SPAST: variants seen among roughly 807,000 people sequenced by gnomAD.
SPAST encodes spastin.
Under a neutral mutation model 76.6 loss-of-function variants are expected in SPAST, and 30 were observed. The observed-to-expected ratio is 0.39, with a 90% confidence interval of 0.29 to 0.53. The LOEUF (loss-of-function observed/expected upper bound fraction) is 0.53. Ranked by LOEUF, SPAST falls within the 20% of genes least tolerant of loss-of-function variation. The probability of loss-of-function intolerance (pLI) is 0.68; values close to 1 mark genes in which losing one functional copy is unlikely to be tolerated. For synonymous variants in SPAST, 305 were observed against 281.0 expected (o/e 1.09, Z -0.86); for missense variants, 717 against 770.5 (o/e 0.93, Z 0.82).
chr2:32,096,811 G>T (rs1573084711), intron 3 of SPAST, among the ~76,000 whole-genome samples: 1 of 151,414 alleles, frequency 6.6e-6, no homozygotes, highest in African/African-American at 2.4e-5. Flanking sequence ...GAGACAAAGG[G>T]TTTCTGTCTC....
At chr2:32,077,072 C>T (rs918998678) in intron 1 of SPAST, among the ~76,000 whole-genome samples, 1 of 152,082 alleles carries the variant, frequency 6.6e-6, no homozygotes, top group Non-Finnish European at 1.5e-5. Flanking sequence ...GATGGGGTTT[C>T]ACCATCTTGG....
chr2:32,093,924 A>C (rs571316069), intron 3 of SPAST, among the ~76,000 whole-genome samples: 1 of 152,288 alleles, frequency 6.6e-6, no homozygotes, highest in East Asian at 1.9e-4. Context: ...AAGGTTCACT[A>C]TCACTAAACC....
chr2:32,115,732 C>A lies in SPAST; in HGVS notation c.901C>A (p.Pro301Thr), dbSNP rs1678803514. Reference sequence around the variant, plus strand: ...TCCGAAAACAAATAGGACAAATAAACCTTCTACCCCTACAACTGCTACTCG... The same window carrying A: ...TCCGAAAACAAATAGGACAAATAAAACTTCTACCCCTACAACTGCTACTCG... ...GTPKTNRTNK[P>T]STPTTATRKK... Residue 301 changes from proline to threonine, a missense_variant, in exon 6 of 17, where the codon CCT becomes ACT. By Grantham distance (38) the Pro-to-Thr change is conservative. Transcript: ENST00000315285. 1.9e-6 allele frequency: 3 copies of A among 1,610,880 alleles called. No individual in the cohort carries two copies. The highest frequency in any genetic ancestry group is 4.5e-5 in the East Asian group (2 of 44,688).
At chr2:32,150,239 A>ATTGTTTTTT (rs1680034391) in intron 16 of SPAST, among the ~76,000 whole-genome samples, 1 of 66,568 alleles carries the variant, frequency 1.5e-5, no homozygotes, top group Non-Finnish European at 2.7e-5. Flanking sequence ...CGCCCAGCTA[A>ATTGTTTTTT]TTTTTTTTTT....
chr2:32,086,902 G>T (rs1193423400), intron 1 of SPAST, among the ~76,000 whole-genome samples: 1 of 152,156 alleles, frequency 6.6e-6, no homozygotes, highest in Non-Finnish European at 1.5e-5. Flanking sequence ...CATACTTTTT[G>T]ATTATGCTGA....
At position 32,115,767 on chromosome 2, in the gene SPAST, A is replaced by G. The variant is rs1465167029; in HGVS notation, c.936A>G (p.Lys312=). Residue 312 remains lysine, a synonymous_variant, in exon 6 of 17, where the codon AAA becomes AAG. Transcript: ENST00000315285. The part of the protein sequence containing the change: ...STPTTATRKK[K]DLKNFRNVDS... The stretch of plus-strand genomic sequence containing the variant: ...CTACAACTGCTACTCGTAAGAAAAA[A>G]GACTTGAAGAATTTTAGGAATGTGG... 2 of 1,611,526 alleles carry G rather than the reference A, an allele frequency of 1.2e-6. No individual in the cohort carries two copies. The highest frequency in any genetic ancestry group is 3.3e-5 in the Admixed American group (2 of 60,006).
intron 4 of SPAST, among the ~76,000 whole-genome samples, chr2:32,102,404 A>T (rs1678159498): frequency 1.3e-5 from 2 of 152,214 alleles, no homozygotes; most frequent in South Asian, 4.1e-4. Flanking sequence ...ATATACAATC[A>T]TGTCATCTCC....
At chr2:32,099,819 A>G (rs984432299) in intron 4 of SPAST, among the ~76,000 whole-genome samples, 1 of 152,082 alleles carries the variant, frequency 6.6e-6, no homozygotes, top group African/African-American at 2.4e-5. Context: ...AGCCTCTAGT[A>G]TCCTCTGTTC....
intron 1 of SPAST, chr2:32,077,969 T>G (rs1315379344): frequency 8.0e-6 from 1 of 124,816 alleles, no homozygotes; most frequent in Non-Finnish European, 1.7e-5. Flanking sequence ...TTTCTGTTTT[T>G]TTTTTTTGTT....
Position 32,147,258 on chromosome 2 carries a change from G to T in SPAST, c.1728G>T (p.Glu576Asp), listed in dbSNP as rs1060502225. 1 of 1,594,208 alleles carries T rather than the reference G, an allele frequency of 6.3e-7. No individual in the cohort carries two copies. The highest frequency in any genetic ancestry group is 1.1e-5 in the South Asian group (1 of 90,626). ...PEQVKNMSAS[E>D]MRNIRLSDFT... ...AGGTGAAGAATATGTCTGCCAGTGA[G>T]GTATAGTATTTTACAATGATATTTT... Residue 576 changes from glutamate to aspartate, a missense_variant and splice_region_variant, in exon 16 of 17, where the codon GAG (glutamate) becomes GAT (aspartate). This residue lies in a region of SPAST where 96 missense variants were observed against 127.6 expected (regional missense o/e 0.75). Coordinates refer to ENST00000315285, the MANE Select transcript of SPAST (RefSeq NM_014946.4).
Position 32,114,985 on chromosome 2 carries a change from G to A in SPAST, c.870+160G>A, listed in dbSNP as rs890341586. Among the ~76,000 whole-genome samples, 7 of 82,758 alleles carry A rather than the reference G, an allele frequency of 8.5e-5. No homozygotes were observed. The East Asian group carries it at 2.5e-3, about 30-fold the overall frequency. 54.3% of individuals were successfully genotyped at this position (82,758 alleles called of 152,430 possible). On this transcript the variant is annotated intron_variant, in intron 5 of 16. Coordinates refer to ENST00000315285, the MANE Select transcript of SPAST (RefSeq NM_014946.4). ...TTTTTTTTTTTTTTTTGAGACTCTT[G>A]TTTTCCAGGCTGGAGTGCAATGGCG...
chr2:32,069,932 A>G (rs185430515), intron 1 of SPAST, among the ~76,000 whole-genome samples: 29 of 152,144 alleles, frequency 1.9e-4, no homozygotes, highest in African/African-American at 6.0e-4. Flanking sequence ...AGTAGTGTTA[A>G]TTGAAATATT....
Position 32,100,131 on chromosome 2 carries a change from G to A in SPAST, c.682+1240G>A, listed in dbSNP as rs116782432. 6.5e-3 allele frequency among the ~76,000 whole-genome samples: 990 copies of A among 152,178 alleles called. 14 individuals are homozygous for A. Among genetic ancestry groups the A allele is most frequent in the African/African-American group, 0.023 (954 of 41,528 alleles). ...GTACTAGTTTAGATTCCCAAAAGTA[G>A]CGTATAAGAGTTCACTTTCTACACA... On this transcript the variant is annotated intron_variant, in intron 4 of 16. Transcript: ENST00000315285.
At chr2:32,084,753 G>C (rs1436164583) in intron 1 of SPAST, among the ~76,000 whole-genome samples, 7 of 151,578 alleles carry the variant, frequency 4.6e-5, no homozygotes, top group Non-Finnish European at 1.0e-4. Flanking sequence ...CAGGTGTGGT[G>C]GTGCACACCT....
In SPAST at chr2:32,157,102, C is replaced by T. The variant is rs369571046; in HGVS notation, c.*2606C>T. On this transcript the variant is annotated 3_prime_UTR_variant, in exon 17 of 17. Coordinates refer to ENST00000315285, the MANE Select transcript of SPAST (RefSeq NM_014946.4). ...GACTTAGATTGTGACCTTTTAGATT[C>T]GGTGTTGAGCTCTGTGTTGTATTAC... The T allele has an allele frequency of 2.0e-5, 3 of 152,564 alleles. No individual in the cohort carries two copies. Among genetic ancestry groups the T allele is most frequent in the South Asian group, 2.1e-4 (1 of 4,830 alleles). 9.5% of individuals were successfully genotyped at this position (152,564 alleles called of 1,614,324 possible). A position where few individuals can be genotyped will look rare whatever the true frequency, so the allele number is the denominator to read the frequency against.
rs1041662261 is a variant in SPAST at position 32,063,944 on chromosome 2, C to G, written c.113C>G (p.Pro38Arg). 5.6e-6 allele frequency: 9 copies of G among 1,608,560 alleles called. No individual in the cohort carries two copies. Among genetic ancestry groups the G allele is most frequent in the South Asian group, 2.2e-5 (2 of 90,416 alleles). The change falls in exon 1 of 17, where the codon CCG becomes CGG. Residue 38 changes from proline to arginine, a missense_variant. Around this residue, in one of 3 missense-constraint regions of SPAST, gnomAD observed 543 missense variants for 445.2 expected, o/e 1.22. Coordinates refer to ENST00000315285, the MANE Select transcript of SPAST (RefSeq NM_014946.4). ...CLAPAPPAAG[P>R]APPPESPHKR... The stretch of plus-strand genomic sequence containing the variant: ...GCCCCCGCCCCTCCCGCCGCCGGGC[C>G]GGCCCCTCCGCCCGAGTCGCCGCAT...
chr2:32,097,300 C>T (rs138226422), intron 3 of SPAST, among the ~76,000 whole-genome samples: 2 of 152,126 alleles, frequency 1.3e-5, no homozygotes, highest in African/African-American at 4.8e-5. Flanking sequence ...TGAAATACTC[C>T]CTTTTAATTG....
At chr2:32,078,067 T>A (rs980029023) in intron 1 of SPAST, 1 of 151,900 alleles carries the variant, frequency 6.6e-6, no homozygotes, top group African/African-American at 2.4e-5. Flanking sequence ...CTCGGCTCAC[T>A]GCAAGCTCCG....
chr2:32,075,299 G>A (rs1304194131), intron 1 of SPAST, among the ~76,000 whole-genome samples: 6 of 151,142 alleles, frequency 4.0e-5, no homozygotes, highest in African/African-American at 9.7e-5. Flanking sequence ...GGTAGTGGGC[G>A]CCTGTAATCC....
Sources: gnomAD v4.1 joint callset for allele counts (sites outside exome capture counted in the v4.1 genomes callset) on GRCh38, gnomAD v4.1.1 for gene constraint, gnomAD v4.1.1 regional missense constraint, MANE v1.5 for transcripts, NCBI Gene and HGNC (gene_info 2026-07-23, HGNC 2026-07-21) for gene names.